ADGRL3: variants seen among roughly 807,000 people sequenced by gnomAD.
ADGRL3 encodes the protein adhesion G protein-coupled receptor L3.
Under a neutral mutation model 153.5 loss-of-function variants are expected in ADGRL3, and 62 were observed. That is an observed-to-expected ratio of 0.40 (90% CI 0.33 to 0.50). The LOEUF (loss-of-function observed/expected upper bound fraction) is 0.50. Among genes scored for constraint, ADGRL3 ranks in the 20% least tolerant of loss-of-function variants. The pLI is 0.47. For synonymous variants in ADGRL3, 710 were observed against 672.5 expected (o/e 1.06, Z -0.86); for missense variants, 1,641 against 1,859.4 (o/e 0.88, Z 2.16).
intron 1 of ADGRL3, among the ~76,000 whole-genome samples, chr4:61,342,945 A>G (rs1257198757): frequency 6.6e-6 from 1 of 152,168 alleles, no homozygotes; most frequent in Non-Finnish European, 1.5e-5. Context: ...AGACCTCACA[A>G]TCATGGTGGA....
intron 2 of ADGRL3, among the ~76,000 whole-genome samples, chr4:61,478,827 A>T (rs915697749): frequency 1.3e-5 from 2 of 152,084 alleles, no homozygotes; most frequent in Non-Finnish European, 2.9e-5. Context: ...CACATGTGTG[A>T]GTTTTATCTA....
At chr4:61,720,488 C>A (rs769857215) in intron 6 of ADGRL3, among the ~76,000 whole-genome samples, 7 of 152,080 alleles carry the variant, frequency 4.6e-5, no homozygotes, top group African/African-American at 1.2e-4. Context: ...TAAGAGCAGG[C>A]CATAAAGTAA....
rs2096196478 is a variant in ADGRL3 at position 61,357,443 on chromosome 4, G to C, written c.-239-25681G>C. 2.0e-5 allele frequency among the ~76,000 whole-genome samples: 3 copies of C among 152,046 alleles called. 1 individual carries two copies. In the South Asian group the frequency reaches 6.2e-4, roughly 32 times the overall value. Reference sequence around the variant, plus strand: ...AATAAATACAACAAAGAGGAAAATAGGAAATTTGTTCTTGCAAGTTAACCA... The same window carrying C: ...AATAAATACAACAAAGAGGAAAATACGAAATTTGTTCTTGCAAGTTAACCA... On this transcript the variant is annotated intron_variant, in intron 1 of 26. Transcript: ENST00000683033.
At chr4:61,284,942 T>A (rs112391383) in intron 1 of ADGRL3, among the ~76,000 whole-genome samples, 1 of 151,802 alleles carries the variant, frequency 6.6e-6, no homozygotes. Context: ...CCGCTCTTTG[T>A]TTTTTCATGT....
At chr4:61,838,184 T>A (rs891654628) in intron 9 of ADGRL3, among the ~76,000 whole-genome samples, 2 of 152,156 alleles carry the variant, frequency 1.3e-5, no homozygotes, top group African/African-American at 4.8e-5. Context: ...CTTGCTGGAT[T>A]CCATCATAAG....
intron 4 of ADGRL3, among the ~76,000 whole-genome samples, chr4:61,553,611 A>C (rs557503219): frequency 6.6e-6 from 1 of 152,348 alleles, no homozygotes; most frequent in Non-Finnish European, 1.5e-5. Flanking sequence ...CAATATAATA[A>C]GAGAAATAAG....
At chr4:62,012,099 G>A (rs2099189292) in intron 21 of ADGRL3, among the ~76,000 whole-genome samples, 1 of 152,112 alleles carries the variant, frequency 6.6e-6, no homozygotes, top group Admixed American at 6.5e-5. Flanking sequence ...TTGAATAAGT[G>A]ATGTTAGACT....
At chr4:62,021,203 T>C (rs1381835492) in intron 21 of ADGRL3, among the ~76,000 whole-genome samples, 1 of 152,154 alleles carries the variant, frequency 6.6e-6, no homozygotes, top group Non-Finnish European at 1.5e-5. Flanking sequence ...CTTTTGCACA[T>C]TAAAGTTTGT....
chr4:61,744,308 C>T (rs2096624017), intron 8 of ADGRL3, among the ~76,000 whole-genome samples: 1 of 152,176 alleles, frequency 6.6e-6, no homozygotes, highest in Admixed American at 6.5e-5. Flanking sequence ...AAAAAGACAG[C>T]AGTAACCTCT....
chr4:61,233,237 C>T (rs1461988016), intron 1 of ADGRL3, among the ~76,000 whole-genome samples: 1 of 152,140 alleles, frequency 6.6e-6, no homozygotes, highest in African/African-American at 2.4e-5. Context: ...TTACTTAGAA[C>T]TGTGCCATCT....
intron 25 of ADGRL3, among the ~76,000 whole-genome samples, chr4:62,057,512 A>T (rs1737688655): frequency 6.6e-6 from 1 of 152,134 alleles, no homozygotes. Context: ...TGGCTTTAGG[A>T]TCTGACTTTC....
chr4:61,468,340 T>A (rs928556092), intron 2 of ADGRL3, among the ~76,000 whole-genome samples: 2 of 152,130 alleles, frequency 1.3e-5, no homozygotes, highest in Admixed American at 6.6e-5. Flanking sequence ...CTTTGTGGGT[T>A]TGGTGACTCA....
intron 2 of ADGRL3, among the ~76,000 whole-genome samples, chr4:61,425,725 G>A (rs982774364): frequency 6.6e-6 from 1 of 152,140 alleles, no homozygotes; most frequent in African/African-American, 2.4e-5. Context: ...ACAGAGGAGG[G>A]TTCCTTCCCT....
chr4:61,476,317 T>G (rs1034543370), intron 2 of ADGRL3, among the ~76,000 whole-genome samples: 2 of 151,188 alleles, frequency 1.3e-5, no homozygotes, highest in African/African-American at 4.9e-5. Context: ...AACCTCTACC[T>G]CCCGGGTTCA....
At chr4:61,951,336 C>T (rs2098946506) in intron 17 of ADGRL3, among the ~76,000 whole-genome samples, 5 of 152,134 alleles carry the variant, frequency 3.3e-5, no homozygotes, top group Admixed American at 2.6e-4. Context: ...GGAGCCGACT[C>T]CTGGCTCACA....
chr4:61,340,503 G>A (rs1376655433), intron 1 of ADGRL3, among the ~76,000 whole-genome samples: 3 of 151,800 alleles, frequency 2.0e-5, no homozygotes, highest in Non-Finnish European at 4.4e-5. Context: ...AAAAGTAAAT[G>A]AATAAATCTG....
chr4:62,066,893 G>A (rs1372595962), intron 25 of ADGRL3, among the ~76,000 whole-genome samples: 2 of 152,024 alleles, frequency 1.3e-5, no homozygotes, highest in African/African-American at 4.8e-5. Context: ...CATATTAGCA[G>A]GGTGGTGTTA....
rs571580774 is a variant in ADGRL3, at chr4:61,524,083, C to A, written c.259+6565C>A. Among the ~76,000 whole-genome samples, 17 of 152,168 alleles carry A rather than the reference C, an allele frequency of 1.1e-4. No individual in the cohort carries two copies. In the South Asian group the frequency reaches 3.1e-3, roughly 28 times the overall value. ...AGCAAATTTTATACAATGACAGATA[C>A]TTCTCAGAATAAGTCAATTACTAGG... is the stretch of plus-strand genomic sequence containing the variant. On this transcript the variant is annotated intron_variant, in intron 4 of 26. Coordinates refer to ENST00000683033, the MANE Select transcript of ADGRL3 (RefSeq NM_001387552.1).
chr4:61,291,229 C>CACACAT (rs2094184228), intron 1 of ADGRL3, among the ~76,000 whole-genome samples: 1 of 150,900 alleles, frequency 6.6e-6, no homozygotes, highest in South Asian at 2.1e-4. Flanking sequence ...CACACACACA[C>CACACAT]ACCCCTCTGT....
Sources: allele counts gnomAD v4.1 joint callset (sites outside exome capture counted in the v4.1 genomes callset), GRCh38; gene constraint gnomAD v4.1.1; transcripts MANE v1.5; gene names NCBI Gene and HGNC (gene_info 2026-07-23, HGNC 2026-07-21).